Variants in DPP6 observed in about 807,000 individuals in gnomAD.
DPP6 encodes dipeptidyl peptidase like 6, also known as A-type potassium channel modulatory protein DPP6.
Under a neutral mutation model 122.6 loss-of-function variants are expected in DPP6, and 69 were observed. The observed-to-expected ratio is 0.56, with a 90% confidence interval of 0.46 to 0.69. The LOEUF (loss-of-function observed/expected upper bound fraction) is 0.69. Ranked by LOEUF, DPP6 falls within the 30% of genes least tolerant of loss-of-function variation. The probability of loss-of-function intolerance (pLI) is 0.00; values close to 1 mark genes in which losing one functional copy is unlikely to be tolerated. For synonymous variants in DPP6, 418 were observed against 433.1 expected (o/e 0.97, Z 0.43); for missense variants, 928 against 1,116.9 (o/e 0.83, Z 2.41).
chr7:154,852,195 C>G (rs975508213), intron 16 of DPP6, among the ~76,000 whole-genome samples: 1 of 152,162 alleles, frequency 6.6e-6, no homozygotes, highest in Non-Finnish European at 1.5e-5. Context: ...GTCAGACGGC[C>G]CCTCAGAAGC....
At chr7:153,952,065 A>C (rs1052653326) in intron 1 of DPP6, among the ~76,000 whole-genome samples, 3 of 152,166 alleles carry the variant, frequency 2.0e-5, no homozygotes, top group African/African-American at 7.2e-5. Flanking sequence ...AAGAAAGAAA[A>C]AACTACTGAA....
intron 1 of DPP6, among the ~76,000 whole-genome samples, chr7:154,338,094 T>C (rs999781224): frequency 9.2e-5 from 14 of 152,158 alleles, no homozygotes; most frequent in African/African-American, 3.1e-4. Flanking sequence ...ATTTTTTTTT[T>C]CCAGAAGGTG....
At chr7:153,986,261 C>T (rs940271726) in intron 1 of DPP6, among the ~76,000 whole-genome samples, 1 of 152,068 alleles carries the variant, frequency 6.6e-6, no homozygotes, top group African/African-American at 2.4e-5. Context: ...ACATTTCATG[C>T]CATCATGTCT....
chr7:153,759,941 G>GTC, the DPP6 span, among the ~76,000 whole-genome samples: 6 of 148,926 alleles, frequency 4.0e-5, no homozygotes, highest in Admixed American at 3.3e-4. Flanking sequence ...CTCTGTTTCT[G>GTC]TCTCTCTCTC....
chr7:154,013,354 T>C (rs1798238858), intron 1 of DPP6, among the ~76,000 whole-genome samples: 1 of 152,216 alleles, frequency 6.6e-6, no homozygotes, highest in Non-Finnish European at 1.5e-5. Flanking sequence ...AACCACTTTG[T>C]TGCCATGTTT....
chr7:154,423,338 A>G (rs1817639003), intron 1 of DPP6, among the ~76,000 whole-genome samples: 1 of 152,164 alleles, frequency 6.6e-6, no homozygotes. Context: ...GCGAACTGGC[A>G]ATTATGGAAG....
At chr7:154,003,442 G>T (rs1274412637) in intron 1 of DPP6, among the ~76,000 whole-genome samples, 1 of 152,204 alleles carries the variant, frequency 6.6e-6, no homozygotes, top group African/African-American at 2.4e-5. Flanking sequence ...ATAGTCATTT[G>T]ATAAAAGCTG....
At chr7:153,781,612 A>G in the DPP6 span, among the ~76,000 whole-genome samples, 1 of 152,278 alleles carries the variant, frequency 6.6e-6, no homozygotes, top group Middle Eastern at 3.4e-3. Flanking sequence ...GAGAGAGGGA[A>G]GGTAGATTGG....
chr7:153,841,441 T>A, the DPP6 span, among the ~76,000 whole-genome samples: 1 of 152,190 alleles, frequency 6.6e-6, no homozygotes, highest in South Asian at 2.1e-4. Context: ...CCCTTCCAGA[T>A]GCCAAGTTCA....
chr7:154,577,496 T>C (rs1831761796), intron 5 of DPP6, among the ~76,000 whole-genome samples: 2 of 152,130 alleles, frequency 1.3e-5, no homozygotes. Flanking sequence ...GGGGTGTCTG[T>C]GAAGAGCACT....
intron 4 of DPP6, among the ~76,000 whole-genome samples, chr7:154,542,306 T>G (rs1828792162): frequency 6.6e-6 from 1 of 152,194 alleles, no homozygotes; most frequent in Non-Finnish European, 1.5e-5. Context: ...TCAACTCACT[T>G]AGAAATACTA....
intron 1 of DPP6, among the ~76,000 whole-genome samples, chr7:154,078,382 ACACACAC>A (rs1453775444): frequency 7.0e-6 from 1 of 143,844 alleles, no homozygotes. Context: ...ACACACACAC[ACACACAC>A]CATTTTAAGG....
chr7:154,078,797 C>T (rs1034976081), intron 1 of DPP6, among the ~76,000 whole-genome samples: 9 of 152,050 alleles, frequency 5.9e-5, no homozygotes, highest in Non-Finnish European at 8.8e-5. Context: ...TGGTTTTAGA[C>T]TTTAATTTTG....
intron 1 of DPP6, among the ~76,000 whole-genome samples, chr7:153,898,513 ACT>A (rs1189693213): frequency 2.0e-5 from 3 of 152,220 alleles, no homozygotes; most frequent in African/African-American, 7.2e-5. Flanking sequence ...AAAAATGATC[ACT>A]GTTTGAGGTG....
At chr7:154,425,621 G>GTGT (rs1817836574) in intron 1 of DPP6, among the ~76,000 whole-genome samples, 3 of 121,460 alleles carry the variant, frequency 2.5e-5, no homozygotes, top group African/African-American at 1.3e-4. Context: ...TGTGTGTGTG[G>GTGT]GTGTGTGTGT....
chr7:153,962,555 G>A (rs889470732), intron 1 of DPP6, among the ~76,000 whole-genome samples: 6 of 152,112 alleles, frequency 3.9e-5, no homozygotes, highest in African/African-American at 4.8e-5. Context: ...CCGTACAGTC[G>A]GTCCCAGCCC....
chr7:154,846,877 T>A (rs926224652), intron 16 of DPP6, among the ~76,000 whole-genome samples: 13 of 152,234 alleles, frequency 8.5e-5, no homozygotes, highest in African/African-American at 2.9e-4. Context: ...CTTAACCTTA[T>A]AATCTTCATG....
rs3111971 is a variant in DPP6, at chr7:154,135,489, T to C, written c.243+82426T>C. Among the ~76,000 whole-genome samples, 19 of 151,824 alleles carry C rather than the reference T, an allele frequency of 1.3e-4. 1 individual carries two copies. The East Asian group carries it at 3.3e-3, about 26-fold the overall frequency. Reference sequence around the variant, plus strand: ...ACTTCCTGTGAGCATACACTTCCTATCTGTGCACTTCCTGTGAGCATACAC... The same window carrying C: ...ACTTCCTGTGAGCATACACTTCCTACCTGTGCACTTCCTGTGAGCATACAC... On this transcript the variant is annotated intron_variant, in intron 1 of 25. Transcript: ENST00000377770.
chr7:154,157,446 GTCT>G (rs1234211715), intron 1 of DPP6, among the ~76,000 whole-genome samples: 2 of 152,258 alleles, frequency 1.3e-5, no homozygotes, highest in African/African-American at 4.8e-5. Context: ...GTTTTTCATT[GTCT>G]TTTTCAAAGT....
Sources: gnomAD v4.1 joint callset for allele counts (sites outside exome capture counted in the v4.1 genomes callset) on GRCh38, gnomAD v4.1.1 for gene constraint, MANE v1.5 for transcripts, NCBI Gene and HGNC (gene_info 2026-07-23, HGNC 2026-07-21) for gene names.